Variants in PPP1R42 observed in about 807,000 individuals in gnomAD.
PPP1R42 encodes leucine rich repeat containing 67.
Under a neutral mutation model 31.0 loss-of-function variants are expected in PPP1R42, and 34 were observed. The observed-to-expected ratio is 1.10, with a 90% confidence interval of 0.83 to 1.46. The LOEUF (loss-of-function observed/expected upper bound fraction) is 1.46, where lower values mean the gene tolerates loss of function less well. Among genes scored for constraint, PPP1R42 ranks in the 40% most tolerant of loss-of-function variants. The pLI, the probability that PPP1R42 is intolerant of heterozygous loss-of-function variation, is 0.00. For synonymous variants in PPP1R42, 103 were observed against 109.8 expected (o/e 0.94, Z 0.39); for missense variants, 268 against 303.0 (o/e 0.88, Z 0.86).
chr8:66,969,711 GT>G (rs1241761294), intron 7 of PPP1R42, among the ~76,000 whole-genome samples: 2 of 152,184 alleles, frequency 1.3e-5, no homozygotes, highest in Admixed American at 1.3e-4. Flanking sequence ...CGAAGAGGGT[GT>G]CATGATAAGC....
At chr8:66,974,898 A>G (rs1333581742) in intron 7 of PPP1R42, among the ~76,000 whole-genome samples, 6 of 152,166 alleles carry the variant, frequency 3.9e-5, no homozygotes, top group Non-Finnish European at 7.4e-5. Flanking sequence ...TCTATGTAAT[A>G]TATTTCAAAG....
At chr8:66,967,004 T>A (rs1814401565) in intron 7 of PPP1R42, among the ~76,000 whole-genome samples, 1 of 152,200 alleles carries the variant, frequency 6.6e-6, no homozygotes, top group South Asian at 2.1e-4. Flanking sequence ...TGAGACAAGG[T>A]CTTGCTCTGT....
chr8:66,982,954 T>C (rs1814887437), intron 6 of PPP1R42, among the ~76,000 whole-genome samples: 1 of 151,074 alleles, frequency 6.6e-6, no homozygotes, highest in African/African-American at 2.4e-5. Flanking sequence ...TTAAAAGCTT[T>C]TTTTTTTTTT....
intron 6 of PPP1R42, 60 bp downstream of exon 6, chr8:66,988,340 A>T (rs1384953578): frequency 2.4e-5 from 31 of 1,299,032 alleles, no homozygotes; most frequent in Non-Finnish European, 3.0e-5. Flanking sequence ...TGCTGGTAAA[A>T]TAACCAAAAA....
rs1815817333 is a variant in PPP1R42, at chr8:67,010,735, T to G, written c.532A>C (p.Asn178His). ...ENLNQLIAVD[N>H]QLLHVKDLEF... ...ACTACCTTCACATGCAGAAGTTGGT[T>G]GTCAACGGCTATGAGCTGATTAAGA... The change falls in exon 5 of 8, where the codon AAC becomes CAC. Residue 178 changes from asparagine to histidine, a missense_variant. Coordinates refer to ENST00000685739, the MANE Select transcript of PPP1R42 (RefSeq NM_001364910.1). The G allele has an allele frequency of 6.2e-7, 1 of 1,601,918 alleles. No individual in the cohort carries two copies. Among genetic ancestry groups the G allele is most frequent in the African/African-American group, 1.3e-5 (1 of 74,586 alleles).
At chr8:66,973,272 AC>A (rs1213963711) in intron 7 of PPP1R42, among the ~76,000 whole-genome samples, 2 of 148,702 alleles carry the variant, frequency 1.3e-5, no homozygotes, top group African/African-American at 5.0e-5. Flanking sequence ...CATGAGATCT[AC>A]CCTCCTTTTT....
intron 6 of PPP1R42, chr8:66,984,167 C>G: frequency 6.3e-7 from 1 of 1,592,934 alleles, no homozygotes; most frequent in Non-Finnish European, 8.6e-7. Context: ...TCACTCAGCG[C>G]AAGGTCCCAG....
At chr8:67,021,305 T>C (rs1215039940) in intron 1 of PPP1R42, 1 of 152,146 alleles carries the variant, frequency 6.6e-6, no homozygotes, top group African/African-American at 2.4e-5. Context: ...TTTGAAGATA[T>C]GGAATGTATT....
chr8:66,982,710 G>C (rs1814879909), intron 6 of PPP1R42, among the ~76,000 whole-genome samples: 2 of 151,890 alleles, frequency 1.3e-5, no homozygotes, highest in Admixed American at 6.6e-5. Flanking sequence ...CGCCTGCCTT[G>C]GCCTCCCAAA....
intron 1 of PPP1R42, among the ~76,000 whole-genome samples, chr8:67,021,927 T>A (rs892007776): frequency 6.6e-6 from 1 of 152,186 alleles, no homozygotes; most frequent in Non-Finnish European, 1.5e-5. Flanking sequence ...TGTAAGAAAT[T>A]AATTTTTCCT....
chr8:66,985,059 C>T (rs1814963849), intron 6 of PPP1R42: 14 of 1,385,834 alleles, frequency 1.0e-5, no homozygotes, highest in Non-Finnish European at 5.1e-6. Flanking sequence ...AAGAGTCCCA[C>T]CACTCAATTT....
At chr8:67,016,893 G>A (rs1435852268) in intron 2 of PPP1R42, among the ~76,000 whole-genome samples, 2 of 151,900 alleles carry the variant, frequency 1.3e-5, no homozygotes, top group South Asian at 2.1e-4. Flanking sequence ...TTTGAAAAAC[G>A]GTACTCACAT....
At chr8:66,970,907 C>A in intron 7 of PPP1R42, 1 of 1,093,870 alleles carries the variant, frequency 9.1e-7, no homozygotes, top group Non-Finnish European at 1.3e-6. Context: ...GGCCTCTGTT[C>A]CTCTTTGTTT....
intron 1 of PPP1R42, among the ~76,000 whole-genome samples, chr8:67,020,748 G>A: frequency 6.6e-6 from 1 of 152,190 alleles, no homozygotes; most frequent in East Asian, 1.9e-4. Context: ...TCACAGATAA[G>A]TTTATCTTAA....
chr8:67,012,627 A>G (rs1264771335), intron 4 of PPP1R42, among the ~76,000 whole-genome samples: 2 of 152,232 alleles, frequency 1.3e-5, no homozygotes, highest in African/African-American at 2.4e-5. Flanking sequence ...TTTTCCTAAA[A>G]TTTAAAATGT....
intron 6 of PPP1R42, chr8:66,985,437 A>G: frequency 2.5e-6 from 2 of 803,222 alleles, no homozygotes; most frequent in Non-Finnish European, 4.3e-6. Context: ...TTGCATCTAC[A>G]ATGCACCCTT....
Position 67,017,603 on chromosome 8 carries a change from A to T in PPP1R42, c.129+16T>A. 1 of 1,333,154 alleles carries T rather than the reference A, an allele frequency of 7.5e-7. No homozygotes were observed. The highest frequency in any genetic ancestry group is 1.7e-5 in the South Asian group (1 of 58,996). 82.6% of individuals were successfully genotyped at this position (1,333,154 alleles called of 1,614,324 possible). A position where few individuals can be genotyped will look rare whatever the true frequency, so the allele number is the denominator to read the frequency against. Reference sequence around the variant, plus strand: ...TATTAATTATATAAAATAGGAAATAATTTCAAAGTTCTTACAATTGCATCT... The same window carrying T: ...TATTAATTATATAAAATAGGAAATATTTTCAAAGTTCTTACAATTGCATCT... On this transcript the variant is annotated intron_variant, in intron 2 of 7. Transcript: ENST00000685739.
intron 4 of PPP1R42, among the ~76,000 whole-genome samples, chr8:67,012,008 C>T (rs996075011): frequency 9.9e-5 from 15 of 152,180 alleles, no homozygotes; most frequent in Admixed American, 3.3e-4. Context: ...CGGTGGCTCA[C>T]GACTGTAATC....
intron 7 of PPP1R42, among the ~76,000 whole-genome samples, chr8:66,978,181 T>C (rs1814730893): frequency 6.6e-6 from 1 of 152,102 alleles, no homozygotes; most frequent in African/African-American, 2.4e-5. Flanking sequence ...CTCACAATCA[T>C]GGCAGAAGGC....
Sources: allele counts gnomAD v4.1 joint callset (sites outside exome capture counted in the v4.1 genomes callset), GRCh38; gene constraint gnomAD v4.1.1; transcripts MANE v1.5; gene names NCBI Gene and HGNC (gene_info 2026-07-23, HGNC 2026-07-21).